Variants in COL6A5 observed in about 807,000 individuals in gnomAD.
The protein encoded by COL6A5 is collagen alpha-5(VI) chain.
In COL6A5, 48 loss-of-function variants were observed where a neutral mutation model predicts 65.6. That is an observed-to-expected ratio of 0.73 (90% confidence interval 0.58 to 0.93). The LOEUF is 0.93. Among genes scored for constraint, COL6A5 ranks in the 40% least tolerant of loss-of-function variants. COL6A5 has a pLI of 0.00. For missense variants in COL6A5, 914 were observed against 928.3 expected (o/e 0.98, Z 0.20); for synonymous variants, 291 against 322.8 (o/e 0.90, Z 1.05).
chr3:130,361,582 A>G (rs1024104174), intron 1 of COL6A5, among the ~76,000 whole-genome samples: 3 of 152,116 alleles, frequency 2.0e-5, no homozygotes, highest in African/African-American at 7.2e-5. Context: ...TCATTTGGGT[A>G]AATACCAGGA....
chr3:130,371,765 G>C (rs1935571408), intron 1 of COL6A5, among the ~76,000 whole-genome samples: 1 of 152,066 alleles, frequency 6.6e-6, no homozygotes, highest in East Asian at 1.9e-4. Context: ...TGTAGGCAAT[G>C]GTGTTTTAGA....
chr3:130,375,433 C>T (rs1490789030), intron 2 of COL6A5, among the ~76,000 whole-genome samples: 1 of 152,068 alleles, frequency 6.6e-6, no homozygotes, highest in African/African-American at 2.4e-5. Flanking sequence ...GGATGACATG[C>T]CCTTCTCTGC....
intron 4 of COL6A5, among the ~76,000 whole-genome samples, chr3:130,380,661 G>A (rs867625131): frequency 5.4e-4 from 82 of 152,132 alleles, no homozygotes; most frequent in African/African-American, 1.8e-3. Context: ...GTGTGATGGA[G>A]GAACTGAATT....
chr3:130,469,578 T>A, intron 6 of COL6A5, 97 bp downstream of exon 38: 1 of 999,604 alleles, frequency 1.0e-6, no homozygotes, highest in Non-Finnish European at 1.5e-6. Context: ...TCACTTCAGT[T>A]AAGAGTGGTA....
At chr3:130,374,473 A>G (rs901066190) in intron 2 of COL6A5, among the ~76,000 whole-genome samples, 3 of 152,052 alleles carry the variant, frequency 2.0e-5, no homozygotes, top group Non-Finnish European at 4.4e-5. Flanking sequence ...TATTTTTTTG[A>G]GACAGAGTCT....
intron 7 of COL6A5, 77 bp from the exon 40 acceptor site, chr3:130,471,605 T>C (rs1015751831): frequency 3.8e-6 from 5 of 1,299,040 alleles, no homozygotes; most frequent in Non-Finnish European, 5.2e-6. Context: ...CCTCTTATAT[T>C]ATCTGGTGGT....
At chr3:130,412,522 C>T (rs2107675856) in intron 20 of COL6A5, among the ~76,000 whole-genome samples, 1 of 152,296 alleles carries the variant, frequency 6.6e-6, no homozygotes, top group East Asian at 1.9e-4. Flanking sequence ...TAGTCTGTTA[C>T]ACAGAATACA....
At chr3:130,422,017 C>T (rs1559894097) in intron 27 of COL6A5, among the ~76,000 whole-genome samples, 1 of 152,060 alleles carries the variant, frequency 6.6e-6, no homozygotes, top group Non-Finnish European at 1.5e-5. Flanking sequence ...ATGTCTTCTA[C>T]ATAAGTGATG....
chr3:130,408,328 T>A (rs540773374), intron 17 of COL6A5, among the ~76,000 whole-genome samples: 1 of 152,040 alleles, frequency 6.6e-6, no homozygotes, highest in African/African-American at 2.4e-5. Flanking sequence ...GGAGTGTCTG[T>A]CTTATGTAGT....
chr3:130,432,421 C>G (rs572400676), intron 1 of COL6A5, among the ~76,000 whole-genome samples: 6 of 151,764 alleles, frequency 4.0e-5, no homozygotes, highest in Admixed American at 3.3e-4. Context: ...CATGGTGGCG[C>G]GTGCCTGTAA....
At chr3:130,463,347 A>G (rs140017990) in intron 5 of COL6A5, among the ~76,000 whole-genome samples, 15 of 152,108 alleles carry the variant, frequency 9.9e-5, no homozygotes, top group Non-Finnish European at 2.2e-4. Flanking sequence ...CCACTGGATA[A>G]CTCATGCATA....
intron 4 of COL6A5, among the ~76,000 whole-genome samples, chr3:130,451,238 G>A (rs967630307): frequency 1.1e-4 from 16 of 152,118 alleles, no homozygotes; most frequent in African/African-American, 1.9e-4. Flanking sequence ...TTGTTTTGGC[G>A]TAATAAGTGT....
exon 27 of COL6A5, chr3:130,421,331 A>G (rs1357129003): frequency 2.6e-6 from 4 of 1,550,670 alleles, no homozygotes; most frequent in Admixed American, 2.0e-5. Flanking sequence ...ATAGGGCCCA[A>G]GAGGATTCCC....
chr3:130,437,793 T>C (rs1408925887), intron 1 of COL6A5, among the ~76,000 whole-genome samples: 2 of 152,138 alleles, frequency 1.3e-5, no homozygotes, highest in East Asian at 3.9e-4. Flanking sequence ...TTCCCTCTTC[T>C]TTGAATTTTT....
At chr3:130,410,134 A>G (rs778327723) in intron 19 of COL6A5, 60 bp downstream of exon 19, 4 of 1,248,188 alleles carry the variant, frequency 3.2e-6, no homozygotes, top group Middle Eastern at 1.9e-4. Flanking sequence ...AAGTAAATTT[A>G]GTAAGATATG....
intron 1 of COL6A5, among the ~76,000 whole-genome samples, chr3:130,346,591 A>G (rs1431476069): frequency 6.6e-6 from 1 of 152,204 alleles, no homozygotes; most frequent in East Asian, 1.9e-4. Flanking sequence ...AGCTTCAACA[A>G]CTATTTCTGA....
At chr3:130,424,005 C>A in intron 29 of COL6A5, 105 bp downstream of exon 29, 1 of 777,788 alleles carries the variant, frequency 1.3e-6, no homozygotes, top group South Asian at 1.9e-5. Context: ...AGTCCAGATT[C>A]TGCTTTTTAC....
intron 1 of COL6A5, among the ~76,000 whole-genome samples, chr3:130,366,602 G>A (rs554432293): frequency 4.8e-4 from 73 of 152,308 alleles, no homozygotes; most frequent in Middle Eastern, 3.4e-3. Context: ...TTTCCACAAT[G>A]CCTGATCAAA....
chr3:130,404,276 C>A (rs986108379), intron 13 of COL6A5, among the ~76,000 whole-genome samples: 6 of 152,162 alleles, frequency 3.9e-5, no homozygotes, highest in Non-Finnish European at 8.8e-5. Flanking sequence ...AAACTGAAAC[C>A]ACTTAGGTGG....
Sources: allele counts gnomAD v4.1 joint callset (sites outside exome capture counted in the v4.1 genomes callset), GRCh38; gene constraint gnomAD v4.1.1; transcripts MANE v1.5; gene names NCBI Gene and HGNC (gene_info 2026-07-23, HGNC 2026-07-21).